MYLIP: variants seen among roughly 807,000 people sequenced by gnomAD.
MYLIP encodes E3 ubiquitin-protein ligase MYLIP.
A neutral mutation model predicts 45.8 loss-of-function variants in MYLIP; 26 were observed. That is an observed-to-expected ratio of 0.57 (90% CI 0.42 to 0.79). The LOEUF (loss-of-function observed/expected upper bound fraction) is 0.79. Among genes scored for constraint, MYLIP ranks in the 30% least tolerant of loss-of-function variants. MYLIP has a pLI of 0.00. For synonymous variants in MYLIP, 213 were observed against 218.1 expected (o/e 0.98, Z 0.21); for missense variants, 494 against 555.6 (o/e 0.89, Z 1.11).
chr6:16,144,592 A>G (rs1409518346), intron 5 of MYLIP, among the ~76,000 whole-genome samples: 2 of 152,240 alleles, frequency 1.3e-5, no homozygotes, highest in Non-Finnish European at 2.9e-5. Context: ...CCAAGACTTC[A>G]GGCAGATGCC....
the MYLIP span, among the ~76,000 whole-genome samples, chr6:16,159,844 G>T: frequency 6.6e-6 from 1 of 152,118 alleles, no homozygotes; most frequent in Non-Finnish European, 1.5e-5. Flanking sequence ...AGAAACCATC[G>T]GGGCTACCAC....
intron 2 of MYLIP, among the ~76,000 whole-genome samples, chr6:16,138,043 A>G (rs1759590737): frequency 6.6e-6 from 1 of 152,182 alleles, no homozygotes; most frequent in Non-Finnish European, 1.5e-5. Context: ...CTTAAAGAAG[A>G]GTCATGAATT....
downstream of MYLIP, among the ~76,000 whole-genome samples, chr6:16,152,736 A>G (rs1252064457): frequency 6.6e-6 from 1 of 152,250 alleles, no homozygotes; most frequent in South Asian, 2.1e-4. Flanking sequence ...AAGATTTGCC[A>G]CTCACTTTGC....
intron 2 of MYLIP, among the ~76,000 whole-genome samples, chr6:16,140,493 A>C (rs1046302035): frequency 1.2e-4 from 19 of 152,316 alleles, no homozygotes; most frequent in African/African-American, 4.6e-4. Context: ...CTGATGTTCG[A>C]GGCACTTAAG....
the MYLIP span, among the ~76,000 whole-genome samples, chr6:16,160,093 C>T: frequency 2.7e-4 from 41 of 152,204 alleles, no homozygotes; most frequent in Admixed American, 2.6e-3. Flanking sequence ...CTCCCTCTTA[C>T]TTGTTTCTAC....
At chr6:16,131,013 A>G (rs965187384) in intron 2 of MYLIP, among the ~76,000 whole-genome samples, 5 of 144,200 alleles carry the variant, frequency 3.5e-5, no homozygotes, top group African/African-American at 1.1e-4. Context: ...AACACTTGAG[A>G]TAAGTGCTAC....
intron 1 of MYLIP, among the ~76,000 whole-genome samples, chr6:16,130,218 A>G (rs886254816): frequency 1.2e-4 from 19 of 152,208 alleles, no homozygotes; most frequent in African/African-American, 4.6e-4. Context: ...TCAGCTGTGC[A>G]GAGTATGCTG....
rs564982445 is a variant in MYLIP at position 16,145,879 on chromosome 6, T to C, written c.1248+562T>C. On this transcript the variant is annotated intron_variant, in intron 6 of 6. Coordinates refer to ENST00000356840, the MANE Select transcript of MYLIP (RefSeq NM_013262.4). ...TAACACGAAAAAGAGAACTCACATA[T>C]AGTTTTCTTCCTTTCTTGCATGAAG... Among the ~76,000 whole-genome samples, 20 of 152,334 alleles carry C rather than the reference T, an allele frequency of 1.3e-4. No individual in the cohort carries two copies. In the East Asian group the frequency reaches 3.9e-3, roughly 29 times the overall value.
intron 2 of MYLIP, among the ~76,000 whole-genome samples, chr6:16,132,747 T>C (rs773505201): frequency 1.4e-4 from 21 of 152,240 alleles, no homozygotes; most frequent in Admixed American, 3.9e-4. Flanking sequence ...AACAAAAATA[T>C]GTATGTTTAC....
Position 16,146,679 on chromosome 6 carries a change from G to T in MYLIP, c.1266G>T (p.Arg422Ser). 6.2e-7 allele frequency: 1 copy of T among 1,610,944 alleles called. No homozygotes were observed. The highest frequency in any genetic ancestry group is 8.5e-7 in the Non-Finnish European group (1 of 1,178,284). Residue 422 changes from arginine to serine, a missense_variant, in exon 7 of 7, where the codon AGG (arginine) becomes AGT (serine). Arg to Ser is a moderately radical substitution (Grantham distance 110). Transcript: ENST00000356840. ...AAQLQSCPVC[R>S]SRVEHVQHVY... ...TTTCCCAGTCATGTCCCGTCTGCAGGTCGCGTGTGGAGCATGTCCAGCACG... is the reference window on the plus strand; with the variant it reads ...TTTCCCAGTCATGTCCCGTCTGCAGTTCGCGTGTGGAGCATGTCCAGCACG...
chr6:16,141,456 G>C, intron 2 of MYLIP, 169 bp from the exon 3 acceptor site: 1 of 517,380 alleles, frequency 1.9e-6, no homozygotes. Flanking sequence ...TTCTTATTTT[G>C]ATTTTGCCTT....
At chr6:16,144,749 C>T in intron 5 of MYLIP, 148 bp from the exon 6 acceptor site, 1 of 825,692 alleles carries the variant, frequency 1.2e-6, no homozygotes, top group Non-Finnish European at 1.9e-6. Context: ...AGAATATTTA[C>T]CAGACGTAAA....
At chr6:16,133,885 C>T (rs945451991) in intron 2 of MYLIP, among the ~76,000 whole-genome samples, 1 of 152,258 alleles carries the variant, frequency 6.6e-6, no homozygotes, top group South Asian at 2.1e-4. Context: ...CCGTGAGTCC[C>T]AGACTAAATG....
chr6:16,148,453 T>TC (rs1009344856), downstream of MYLIP, among the ~76,000 whole-genome samples: 2 of 152,016 alleles, frequency 1.3e-5, no homozygotes, highest in African/African-American at 4.8e-5. Context: ...CTTTTTTTTT[T>TC]TTTTTCAAGA....
In MYLIP at chr6:16,143,232, A is replaced by C. The variant is rs1169303497; in HGVS notation, c.662+15A>C. On this transcript the variant is annotated intron_variant, in intron 4 of 6. Transcript: ENST00000356840. ...CCAATTAATAGGTAAGCCAAGACTT[A>C]ACTTTTTTTGACCTAAGCATGTGTA... 6.2e-7 allele frequency: 1 copy of C among 1,613,996 alleles called. No homozygotes were observed. Among genetic ancestry groups the C allele is most frequent in the South Asian group, 1.1e-5 (1 of 91,080 alleles).
the MYLIP span, among the ~76,000 whole-genome samples, chr6:16,157,664 C>T: frequency 5.9e-5 from 9 of 152,312 alleles, no homozygotes; most frequent in South Asian, 2.1e-4. Flanking sequence ...ATTGAAGAGC[C>T]GGCCACCTGG....
intron 3 of MYLIP, 51 bp downstream of exon 3, chr6:16,141,861 G>A: frequency 6.8e-7 from 1 of 1,474,150 alleles, no homozygotes; most frequent in Non-Finnish European, 9.2e-7. Context: ...GCTTAAACAG[G>A]ATGAAACTAA....
the MYLIP span, among the ~76,000 whole-genome samples, chr6:16,161,888 A>T: frequency 1.3e-5 from 2 of 152,240 alleles, no homozygotes; most frequent in East Asian, 3.8e-4. Flanking sequence ...TTTTTACTAG[A>T]TGGAATGGAC....
chr6:16,153,765 T>C, the MYLIP span, among the ~76,000 whole-genome samples: 297 of 152,290 alleles, frequency 2.0e-3, no homozygotes, highest in Middle Eastern at 6.8e-3. Flanking sequence ...AGGTCATCCC[T>C]ACATATGAGG....
Sources: gnomAD v4.1 joint callset for allele counts (sites outside exome capture counted in the v4.1 genomes callset) on GRCh38, gnomAD v4.1.1 for gene constraint, MANE v1.5 for transcripts, NCBI Gene and HGNC (gene_info 2026-07-23, HGNC 2026-07-21) for gene names.